RTL1: variants seen among roughly 807,000 people sequenced by gnomAD.
The protein encoded by RTL1 is retrotransposon-like protein 1.
For synonymous variants in RTL1, 727 were observed against 748.4 expected (o/e 0.97, Z 0.47); for missense variants, 1,681 against 1,767.5 (o/e 0.95, Z 0.88).
At position 100,884,464 on chromosome 14, in the gene RTL1, C is replaced by T. The variant is rs2038668666; in HGVS notation, c.325G>A (p.Ala109Thr). 1.2e-6 allele frequency: 2 copies of T among 1,614,190 alleles called. No individual in the cohort carries two copies. Among genetic ancestry groups the T allele is most frequent in the African/African-American group, 1.3e-5 (1 of 75,062 alleles). The change falls in exon 4 of 4, where the codon GCA becomes ACA. Residue 109 changes from alanine to threonine, a missense_variant. By Grantham distance (58) the Ala-to-Thr change is moderately conservative (BLOSUM62 0). Coordinates refer to ENST00000649591, the MANE Select transcript of RTL1 (RefSeq NM_001134888.3). The part of the protein sequence containing the change: ...LEESCNGSHQ[A>T]RGDPLSGASD... ...GCTCCACTGAGTGGATCCCCCCTTGCCTGGTGTGAACCGTTGCATGACTCC... is the reference window on the plus strand; with the variant it reads ...GCTCCACTGAGTGGATCCCCCCTTGTCTGGTGTGAACCGTTGCATGACTCC...
At position 100,879,845 on chromosome 14, in the gene RTL1, G is replaced by T. The variant is rs1265919962; in HGVS notation, c.*867C>A. ...AAGGGTCTACTCCCCTTGCAAAGCG[G>T]TGGTGTGGCCAGAGCCTCTCTGTGA... is the stretch of plus-strand genomic sequence containing the variant. On this transcript the variant is annotated 3_prime_UTR_variant, in exon 4 of 4. Transcript: ENST00000649591. Among the ~76,000 whole-genome samples, 1 of 152,000 alleles carries T rather than the reference G, an allele frequency of 6.6e-6. No homozygotes were observed. The highest frequency in any genetic ancestry group is 1.5e-5 in the Non-Finnish European group (1 of 68,018).
chr14:100,903,620 G>A lies in RTL1; in HGVS notation c.-260C>T, dbSNP rs1343627052. On this transcript the variant is annotated 5_prime_UTR_variant, in exon 1 of 4. Coordinates refer to ENST00000649591, the MANE Select transcript of RTL1 (RefSeq NM_001134888.3). ...CTATACTCACCGTCTCTCAGCTGGT[G>A]TGAGGCTGGGCCAGGATGGAACCCC... Among the ~76,000 whole-genome samples, 2 of 152,200 alleles carry A rather than the reference G, an allele frequency of 1.3e-5. No homozygotes were observed. The highest frequency in any genetic ancestry group is 2.9e-5 in the Non-Finnish European group (2 of 68,038).
chr14:100,880,843 T>G lies in RTL1; in HGVS notation c.3946A>C (p.Arg1316=). Reference sequence around the variant, plus strand: ...AGGGTCAGGAACTGGCTCAGGGCCCTGGCTGCCTGCTCCCGGCTGAGCAGG... The same window carrying G: ...AGGGTCAGGAACTGGCTCAGGGCCCGGGCTGCCTGCTCCCGGCTGAGCAGG... ...LHLLSREQAA[R]ALSQFLTLIY... The change falls in exon 4 of 4, where the codon AGG becomes CGG. Residue 1316 remains arginine (R), a synonymous_variant. Transcript: ENST00000649591. 1 of 1,549,974 alleles carries G rather than the reference T, an allele frequency of 6.5e-7. No individual in the cohort carries two copies. Among genetic ancestry groups the G allele is most frequent in the Non-Finnish European group, 8.7e-7 (1 of 1,146,780 alleles).
intron 2 of RTL1, chr14:100,897,748 T>TGGTGGGGGGGGGGGGGGG (rs1566760796): frequency 2.5e-5 from 2 of 79,340 alleles, no homozygotes; most frequent in African/African-American, 7.5e-4. Context: ...TTACCCTGGT[T>TGGTGGGGGGGGGGGGGGG]GGCGGGGGGG....
chr14:100,903,528 C>G (rs1381035711), intron 1 of RTL1, among the ~76,000 whole-genome samples, 77 bp downstream of exon 1: 3 of 152,156 alleles, frequency 2.0e-5, no homozygotes, highest in Admixed American at 2.0e-4. Context: ...CGGGCAATAA[C>G]CCTGCACACT....
intron 2 of RTL1, chr14:100,897,742 C>T (rs1441225304): frequency 6.2e-5 from 6 of 96,372 alleles, no homozygotes; most frequent in South Asian, 2.4e-4. Flanking sequence ...GGTCCTTTAC[C>T]CTGGTTGGCG....
In RTL1 at chr14:100,882,674, G is replaced by C; in HGVS notation, c.2115C>G (p.Leu705=). 1 of 1,552,010 alleles carries C rather than the reference G, an allele frequency of 6.4e-7. No homozygotes were observed. Among genetic ancestry groups the C allele is most frequent in the Non-Finnish European group, 8.7e-7 (1 of 1,147,088 alleles). The change falls in exon 4 of 4, where the codon CTC becomes CTG. Residue 705 remains leucine (L), a synonymous_variant. Coordinates refer to ENST00000649591, the MANE Select transcript of RTL1 (RefSeq NM_001134888.3). The part of the protein sequence containing the change: ...EEMKSYQPFA[L]SPDPIIPQNV... ...TCTGAGGTATGATAGGGTCTGGGGA[G>C]AGCGCAAACGGCTGGTAGCTCTTCA...
At chr14:100,892,746 G>C (rs138516479) in intron 3 of RTL1, among the ~76,000 whole-genome samples, 1 of 152,110 alleles carries the variant, frequency 6.6e-6, no homozygotes, top group South Asian at 2.1e-4. Flanking sequence ...TGAGGGGTAC[G>C]TGCGGAAGAC....
rs2038817363 is a variant in RTL1 at position 100,893,911 on chromosome 14, T to A, written c.-148-406A>T. 6.6e-6 allele frequency among the ~76,000 whole-genome samples: 1 copy of A among 152,252 alleles called. No individual in the cohort carries two copies. Among genetic ancestry groups the A allele is most frequent in the African/African-American group, 2.4e-5 (1 of 41,472 alleles). On this transcript the variant is annotated intron_variant, in intron 2 of 3. Transcript: ENST00000649591. The surrounding 1 kb of genome is among the most constrained non-coding windows in gnomAD (Gnocchi z 4.2). The stretch of plus-strand genomic sequence containing the variant: ...AGTCCAGCCAGAGCGTCAGCCTCGC[T>A]GGCGTCCTCACTGGCCATGGCCCTG...
At chr14:100,895,063 A>G (rs966044136) in intron 2 of RTL1, 1 of 152,138 alleles carries the variant, frequency 6.6e-6, no homozygotes, top group Non-Finnish European at 1.5e-5. Flanking sequence ...TCTCTCTCCC[A>G]CCTAACAGCC....
chr14:100,892,613 A>C (rs1294237676), intron 3 of RTL1, among the ~76,000 whole-genome samples: 1 of 152,120 alleles, frequency 6.6e-6, no homozygotes, highest in African/African-American at 2.4e-5. Flanking sequence ...CTTGGAGAGT[A>C]AGTAAACTAG....
intron 3 of RTL1, among the ~76,000 whole-genome samples, chr14:100,892,220 G>T (rs780057796): frequency 1.3e-5 from 2 of 152,162 alleles, no homozygotes; most frequent in Non-Finnish European, 2.9e-5. Context: ...AGCCCAGGTG[G>T]CTGCAGGCCT....
Position 100,881,840 on chromosome 14 carries a change from C to A in RTL1, c.2949G>T (p.Glu983Asp). 1 of 1,613,872 alleles carries A rather than the reference C, an allele frequency of 6.2e-7. No individual in the cohort carries two copies. The highest frequency in any genetic ancestry group is 8.5e-7 in the Non-Finnish European group (1 of 1,180,034). The change falls in exon 4 of 4, where the codon GAG becomes GAT. Residue 983 changes from glutamate (E) to aspartate (D), a missense_variant. Physicochemically the swap from Glu to Asp is conservative, Grantham distance 45. Transcript: ENST00000649591. This position sits in a 1 kb window ranked among gnomAD's most constrained non-coding sequence, Gnocchi z 6.6. ...CTCGGCCGCCGTCTTGTTCTGGCAG[C>A]TCCATGACGTCAAAGTTGAAGTGGG... ...FFSHFNFDVM[E>D]LPEQDGGRAL...
chr14:100,882,880 G>C lies in RTL1; in HGVS notation c.1909C>G (p.Gln637Glu). Residue 637 changes from glutamine (Q) to glutamate (E), a missense_variant, in exon 4 of 4, where the codon CAG becomes GAG. Transcript: ENST00000649591. The stretch of plus-strand genomic sequence containing the variant: ...TCCTGTCTGTTGGTCAGCATGTCCT[G>C]CAGGTCCCAGTATTCCTCCTGTAGC... ...ARLQEEYWDL[Q>E]DMLTNRQDYI... 6.3e-7 allele frequency: 1 copy of C among 1,579,986 alleles called. No individual in the cohort carries two copies. Among genetic ancestry groups the C allele is most frequent in the South Asian group, 1.1e-5 (1 of 87,610 alleles).
intron 3 of RTL1, among the ~76,000 whole-genome samples, chr14:100,885,669 C>G (rs2038688300): frequency 6.6e-6 from 1 of 152,106 alleles, no homozygotes; most frequent in South Asian, 2.1e-4. Context: ...CTCCCGACCT[C>G]TGAGCTGTTG....
rs1054837814 is a variant in RTL1 at position 100,883,257 on chromosome 14, A to T, written c.1532T>A (p.Val511Asp). 5.2e-6 allele frequency: 8 copies of T among 1,550,892 alleles called. No individual in the cohort carries two copies. The highest frequency in any genetic ancestry group is 7.0e-6 in the Non-Finnish European group (8 of 1,146,692). The change falls in exon 4 of 4, where the codon GTC becomes GAC. Residue 511 changes from valine to aspartate, a missense_variant. Transcript: ENST00000649591. This position sits in a 1 kb window ranked among gnomAD's most constrained non-coding sequence, Gnocchi z 5.9. ...GATCCAGTCGACTTCGGGGGCGTGGACTCGGAGCCAGCGGATGCCTAGGAC... is the reference window on the plus strand; with the variant it reads ...GATCCAGTCGACTTCGGGGGCGTGGTCTCGGAGCCAGCGGATGCCTAGGAC... ...SVVLGIRWLR[V>D]HAPEVDWIKG...
chr14:100,895,697 G>A (rs2038846434), intron 2 of RTL1, among the ~76,000 whole-genome samples: 1 of 152,110 alleles, frequency 6.6e-6, no homozygotes, highest in Non-Finnish European at 1.5e-5. Context: ...GGAGTGGAGT[G>A]TCTCCAAGTG....
At chr14:100,892,632 G>A (rs906984128) in intron 3 of RTL1, among the ~76,000 whole-genome samples, 1 of 152,166 alleles carries the variant, frequency 6.6e-6, no homozygotes, top group African/African-American at 2.4e-5. Flanking sequence ...AGAGTCCAGA[G>A]GGGTGAAGTG....
Position 100,891,418 on chromosome 14 carries a change from C to T in RTL1, c.-87+2026G>A, listed in dbSNP as rs552039083. Among the ~76,000 whole-genome samples the T allele has an allele frequency of 6.6e-5, 10 of 152,284 alleles. No homozygotes were observed. In the East Asian group the frequency reaches 1.2e-3, roughly 18 times the overall value. ...GGAACAGGGAGTTACAGTAGAACTA[C>T]GCTGTCCCCAGGGCGTGTCTAAATC... is the stretch of plus-strand genomic sequence containing the variant. On this transcript the variant is annotated intron_variant, in intron 3 of 3. Coordinates refer to ENST00000649591, the MANE Select transcript of RTL1 (RefSeq NM_001134888.3).
Sources: allele counts gnomAD v4.1 joint callset (sites outside exome capture counted in the v4.1 genomes callset), GRCh38; gene constraint gnomAD v4.1.1; non-coding constraint Gnocchi (gnomAD v3.1); transcripts MANE v1.5; gene names NCBI Gene and HGNC (gene_info 2026-07-23, HGNC 2026-07-21).